The following RGSL1 variants were observed in gnomAD, a reference collection of about 807,000 sequenced individuals.
RGSL1 encodes regulator of G protein signaling protein-like.
Under a neutral mutation model 124.7 loss-of-function variants are expected in RGSL1, and 97 were observed. The ratio of observed to expected loss-of-function variants is 0.78; its 90% CI spans 0.66 to 0.92. The LOEUF (loss-of-function observed/expected upper bound fraction) is 0.92. RGSL1 is among the 40% of genes least tolerant of loss of function. The pLI is 0.00. For missense variants in RGSL1, 1,233 were observed against 1,288.4 expected (o/e 0.96, Z 0.66); for synonymous variants, 424 against 438.1 (o/e 0.97, Z 0.40).
At chr1:182,534,395 G>A (rs1052398765) in intron 14 of RGSL1, among the ~76,000 whole-genome samples, 7 of 151,792 alleles carry the variant, frequency 4.6e-5, no homozygotes, top group African/African-American at 1.7e-4. Context: ...TTATTTATTG[G>A]CCATTTGTAT....
intron 21 of RGSL1, among the ~76,000 whole-genome samples, chr1:182,556,730 C>G (rs2102345314): frequency 6.6e-6 from 1 of 152,068 alleles, no homozygotes; most frequent in East Asian, 1.9e-4. Context: ...GTTCATTTGC[C>G]AACTAGTGGA....
In RGSL1 at chr1:182,551,764, C is replaced by G. The variant is rs202123594; in HGVS notation, c.3043+555C>G. 4.0e-5 allele frequency among the ~76,000 whole-genome samples: 6 copies of G among 151,790 alleles called. No homozygotes were observed. The East Asian group carries it at 1.2e-3, about 29-fold the overall frequency. On this transcript the variant is annotated intron_variant, in intron 18 of 21. Transcript: ENST00000294854. Reference sequence around the variant, plus strand: ...TATATATATATACACACACATACAGCCATGCACCACATAATGATGTTTCAG... The same window carrying G: ...TATATATATATACACACACATACAGGCATGCACCACATAATGATGTTTCAG...
intron 14 of RGSL1, among the ~76,000 whole-genome samples, chr1:182,533,646 G>A (rs185870605): frequency 2.0e-5 from 3 of 152,164 alleles, no homozygotes; most frequent in African/African-American, 7.2e-5. Flanking sequence ...AAATTACTTT[G>A]TATCTCCATT....
At chr1:182,481,205 A>G (rs961223512) in intron 6 of RGSL1, among the ~76,000 whole-genome samples, 13 of 146,140 alleles carry the variant, frequency 8.9e-5, no homozygotes, top group African/African-American at 3.3e-4. Flanking sequence ...ATCCTTAGCT[A>G]GGCTTAAAAA....
In RGSL1 at chr1:182,511,326, G is replaced by A. The variant is rs547768342; in HGVS notation, c.1826-10678G>A. Among the ~76,000 whole-genome samples, 43 of 152,130 alleles carry A rather than the reference G, an allele frequency of 2.8e-4. No homozygotes were observed. In the East Asian group the frequency reaches 5.8e-3, roughly 21 times the overall value. ...ATTACAAGCATGTGCCACCATGCCC[G>A]GCTAATTTTGTATTTTTAGTAGAGA... is the stretch of plus-strand genomic sequence containing the variant. On this transcript the variant is annotated intron_variant, in intron 9 of 21. Coordinates refer to ENST00000294854, the MANE Select transcript of RGSL1 (RefSeq NM_001137669.2).
intron 2 of RGSL1, among the ~76,000 whole-genome samples, chr1:182,456,834 A>C (rs1427020049): frequency 2.0e-5 from 3 of 152,108 alleles, no homozygotes; most frequent in Non-Finnish European, 4.4e-5. Flanking sequence ...CACCGTGTGA[A>C]GTAGGAAGTA....
chr1:182,490,942 G>T (rs1655477201), intron 8 of RGSL1, among the ~76,000 whole-genome samples: 1 of 142,482 alleles, frequency 7.0e-6, no homozygotes, highest in Non-Finnish European at 1.5e-5. Context: ...TTGAGATGGA[G>T]TGTGGTGGAA....
At chr1:182,454,159 T>C in intron 2 of RGSL1, 119 bp downstream of exon 2, 2 of 647,540 alleles carry the variant, frequency 3.1e-6, no homozygotes, top group Non-Finnish European at 5.4e-6. Flanking sequence ...AAATGTCTTC[T>C]TAAATAAAAA....
intron 2 of RGSL1, among the ~76,000 whole-genome samples, chr1:182,457,599 T>C (rs1652451741): frequency 6.6e-6 from 1 of 152,196 alleles, no homozygotes; most frequent in South Asian, 2.1e-4. Context: ...ATGGTCAGAC[T>C]GACATGATGT....
In RGSL1 at chr1:182,473,655, G is replaced by A. The variant is rs1237083973; in HGVS notation, c.544G>A (p.Ala182Thr). ...GATCCTGAGCCACATGCAGAAAGTGGCTCTGTTCAAACTCCAGAGCTATTG... is the reference window on the plus strand; with the variant it reads ...GATCCTGAGCCACATGCAGAAAGTGACTCTGTTCAAACTCCAGAGCTATTG... Reference protein sequence around the residue: ...REILSHMQKVALFKLQSYWLP... With the variant: ...REILSHMQKVTLFKLQSYWLP... The change falls in exon 6 of 22, where the codon GCT (alanine) becomes ACT (threonine). Residue 182 changes from alanine (A) to threonine (T), a missense_variant. Physicochemically the swap from Ala to Thr is moderately conservative, Grantham distance 58. Transcript: ENST00000294854. 1 of 1,551,612 alleles carries A rather than the reference G, an allele frequency of 6.4e-7. No individual in the cohort carries two copies. The highest frequency in any genetic ancestry group is 2.0e-5 in the Admixed American group (1 of 50,972).
intron 19 of RGSL1, 133 bp downstream of exon 19, chr1:182,553,674 T>A: frequency 6.8e-6 from 5 of 736,640 alleles, no homozygotes; most frequent in Non-Finnish European, 2.3e-6. Flanking sequence ...TTGCTGAAGA[T>A]CACATAGCTT....
chr1:182,551,250 C>G, intron 18 of RGSL1, 41 bp downstream of exon 18: 1 of 1,486,686 alleles, frequency 6.7e-7, no homozygotes, highest in Non-Finnish European at 9.2e-7. Context: ...CTCCAGCAAC[C>G]AAGACTTGTG....
chr1:182,535,956 T>C (rs1323520520), intron 14 of RGSL1, among the ~76,000 whole-genome samples: 1 of 152,176 alleles, frequency 6.6e-6, no homozygotes, highest in Admixed American at 6.5e-5. Context: ...TACTACTCTC[T>C]GGTCTGGCAA....
intron 10 of RGSL1, among the ~76,000 whole-genome samples, chr1:182,524,182 C>T (rs972705149): frequency 6.6e-5 from 10 of 152,268 alleles, no homozygotes; most frequent in South Asian, 2.1e-4. Context: ...TTAAGGAATT[C>T]GCATTGATTA....
At chr1:182,480,461 T>C (rs900087615) in intron 6 of RGSL1, among the ~76,000 whole-genome samples, 11 of 115,008 alleles carry the variant, frequency 9.6e-5, no homozygotes, top group Admixed American at 1.9e-4. Flanking sequence ...ACATTACAAG[T>C]TTTTTTTTTT....
chr1:182,554,196 T>A (rs566755160), intron 19 of RGSL1, among the ~76,000 whole-genome samples: 2 of 152,338 alleles, frequency 1.3e-5, no homozygotes, highest in Admixed American at 6.5e-5. Context: ...CTTTTCTGCT[T>A]CTCACAGGCA....
At chr1:182,490,447 T>A (rs1258949073) in intron 8 of RGSL1, among the ~76,000 whole-genome samples, 2 of 152,210 alleles carry the variant, frequency 1.3e-5, no homozygotes, top group East Asian at 3.8e-4. Flanking sequence ...AACTTTAATA[T>A]GCACTCTGTA....
chr1:182,505,984 T>C (rs1363371628), intron 9 of RGSL1, among the ~76,000 whole-genome samples: 3 of 152,184 alleles, frequency 2.0e-5, no homozygotes, highest in Non-Finnish European at 4.4e-5. Context: ...TTTTCCTTTA[T>C]TACCTTATTG....
chr1:182,521,976 T>C (rs12142736), intron 9 of RGSL1, 28 bp from the exon 10 acceptor site: 261,903 of 1,392,990 alleles, frequency 0.19, 26,874 homozygotes, highest in Middle Eastern at 0.27. Context: ...TAATATAGTG[T>C]TCTCCAACTT....
Sources: gnomAD v4.1 joint callset for allele counts (sites outside exome capture counted in the v4.1 genomes callset) on GRCh38, gnomAD v4.1.1 for gene constraint, MANE v1.5 for transcripts, NCBI Gene and HGNC (gene_info 2026-07-23, HGNC 2026-07-21) for gene names.